The following ZC3H12B variants were observed in gnomAD, a reference collection of about 807,000 sequenced individuals.
ZC3H12B encodes the protein probable ribonuclease ZC3H12B.
A neutral mutation model predicts 43.9 loss-of-function variants in ZC3H12B; 7 were observed. That is an observed-to-expected ratio of 0.16 (90% CI 0.09 to 0.30). The LOEUF is 0.30. ZC3H12B is among the 10% of genes least tolerant of loss of function. The pLI is 1.00. For synonymous variants in ZC3H12B, 222 were observed against 241.7 expected (o/e 0.92, Z 0.76); for missense variants, 475 against 670.2 (o/e 0.71, Z 3.22).
At chrX:65,095,891 T>C in the ZC3H12B span, among the ~76,000 whole-genome samples, 1 of 110,710 alleles carries the variant, frequency 9.0e-6, no homozygotes, top group Non-Finnish European at 1.9e-5. Context: ...ACTGTAGAAT[T>C]CTTCCCCTTC....
chrX:65,407,957 G>C, intron 3 of ZC3H12B: 1 of 827,772 alleles, frequency 1.2e-6, no homozygotes, highest in East Asian at 3.5e-5. Flanking sequence ...GCGCCTGCGT[G>C]CGTGGCCACC....
the ZC3H12B span, among the ~76,000 whole-genome samples, chrX:65,170,591 G>T: frequency 4.5e-5 from 5 of 111,664 alleles, no homozygotes; most frequent in South Asian, 1.5e-3. Context: ...GCCTTTCTAG[G>T]TTGGGGAAGT....
chrX:65,204,244 G>A, the ZC3H12B span, among the ~76,000 whole-genome samples: 1 of 112,028 alleles, frequency 8.9e-6, no homozygotes, highest in Non-Finnish European at 1.9e-5. Context: ...GCTTTTCTAT[G>A]TGGATACTTG....
the ZC3H12B span, among the ~76,000 whole-genome samples, chrX:65,264,220 C>A: frequency 9.0e-6 from 1 of 111,244 alleles, no homozygotes; most frequent in Non-Finnish European, 1.9e-5. Context: ...GTCCACTACT[C>A]AAGTGATGAG....
chrX:65,462,293 A>G (rs948036607), intron 3 of ZC3H12B, among the ~76,000 whole-genome samples: 1 of 110,917 alleles, frequency 9.0e-6, no homozygotes, highest in Admixed American at 9.7e-5. Context: ...GGTGGATCAC[A>G]TGAGGTCAGG....
At chrX:65,319,910 G>A in the ZC3H12B span, among the ~76,000 whole-genome samples, 1 of 111,551 alleles carries the variant, frequency 9.0e-6, no homozygotes, top group Non-Finnish European at 1.9e-5. Flanking sequence ...ACTAGGCATT[G>A]AAGGAAATAC....
the ZC3H12B span, among the ~76,000 whole-genome samples, chrX:65,267,173 A>T: frequency 9.4e-6 from 1 of 106,594 alleles, no homozygotes; most frequent in African/African-American, 3.6e-5. Flanking sequence ...ATCTGCAAAG[A>T]GTGAGAGTAT....
At chrX:65,354,997 G>A in the ZC3H12B span, among the ~76,000 whole-genome samples, 2 of 112,069 alleles carry the variant, frequency 1.8e-5, no homozygotes, top group Middle Eastern at 4.6e-3. Flanking sequence ...TTTTGTACCT[G>A]AAAGTGATGG....
chrX:65,158,845 C>T, the ZC3H12B span, among the ~76,000 whole-genome samples: 3 of 111,874 alleles, frequency 2.7e-5, no homozygotes. Context: ...AAAGTCCTTG[C>T]CCATGCCTGT....
intron 3 of ZC3H12B, among the ~76,000 whole-genome samples, chrX:65,477,691 G>A (rs2068012442): frequency 9.1e-6 from 1 of 110,326 alleles, no homozygotes; most frequent in African/African-American, 3.3e-5. Context: ...GAACACGGGA[G>A]GCGGAGGTTG....
At chrX:65,415,873 AC>A (rs1180794491) in intron 3 of ZC3H12B, among the ~76,000 whole-genome samples, 1 of 112,431 alleles carries the variant, frequency 8.9e-6, no homozygotes, top group African/African-American at 3.2e-5. Flanking sequence ...TATCATTATT[AC>A]TGTCTTTAGA....
chrX:65,081,864 A>T, the ZC3H12B span, among the ~76,000 whole-genome samples: 3 of 112,127 alleles, frequency 2.7e-5, no homozygotes, highest in South Asian at 1.1e-3. Flanking sequence ...ATTCTCAAGG[A>T]TAGACCATAA....
chrX:65,440,006 T>C (rs1290932458), intron 3 of ZC3H12B, among the ~76,000 whole-genome samples: 1 of 111,787 alleles, frequency 8.9e-6, no homozygotes, highest in Non-Finnish European at 1.9e-5. Flanking sequence ...CAAGTTATTA[T>C]TTTACCTATT....
chrX:65,149,814 AT>A, the ZC3H12B span, among the ~76,000 whole-genome samples: 1 of 103,164 alleles, frequency 9.7e-6, no homozygotes. Flanking sequence ...AATAATAATA[AT>A]AAATAAAAGT....
chrX:65,083,344 T>C, the ZC3H12B span, among the ~76,000 whole-genome samples: 2 of 111,736 alleles, frequency 1.8e-5, no homozygotes, highest in Non-Finnish European at 3.8e-5. Context: ...AGATATGATC[T>C]TATACTTAGA....
intron 1 of ZC3H12B, among the ~76,000 whole-genome samples, 181 bp from the exon 7 acceptor site, chrX:65,496,948 CAAA>C (rs373400545): frequency 9.8e-5 from 4 of 40,893 alleles, no homozygotes; most frequent in Admixed American, 3.2e-4. Context: ...AAAGTGAGAC[CAAA>C]AAAAAAAAAA....
chrX:65,321,197 CA>C, the ZC3H12B span, among the ~76,000 whole-genome samples: 4 of 108,901 alleles, frequency 3.7e-5, no homozygotes, highest in East Asian at 2.9e-4. Context: ...GGATGTACAA[CA>C]AAAAAAACTC....
chrX:65,212,345 A>AATTATAATATATTATATAATATAT, the ZC3H12B span, among the ~76,000 whole-genome samples: 1 of 48,995 alleles, frequency 2.0e-5, no homozygotes, highest in Non-Finnish European at 3.3e-5. Context: ...TATATAATAT[A>AATTATAATATATTATATAATATAT]AATATAATTA....
the ZC3H12B span, among the ~76,000 whole-genome samples, chrX:65,229,556 C>T: frequency 9.0e-6 from 1 of 111,272 alleles, no homozygotes; most frequent in Non-Finnish European, 1.9e-5. Context: ...AACTAAAGAA[C>T]TTCTGCACAG....
Sources: allele counts gnomAD v4.1 joint callset (sites outside exome capture counted in the v4.1 genomes callset), GRCh38; gene constraint gnomAD v4.1.1; transcripts MANE v1.5; gene names NCBI Gene and HGNC (gene_info 2026-07-23, HGNC 2026-07-21).